SMIM41: variants seen among roughly 807,000 people sequenced by gnomAD.
The protein encoded by SMIM41 is small integral membrane protein 41.
chr12:52,082,406 C>G (rs1231380081), intron 1 of SMIM41, among the ~76,000 whole-genome samples: 2 of 151,886 alleles, frequency 1.3e-5, no homozygotes. Context: ...CGTTGCTGTT[C>G]CTGAGTCCAG....
intron 2 of SMIM41, among the ~76,000 whole-genome samples, chr12:52,098,244 TATC>T (rs1350246567): frequency 2.6e-5 from 4 of 152,002 alleles, no homozygotes; most frequent in African/African-American, 4.8e-5. Context: ...TTGGGACTAA[TATC>T]ATCCTCCCGT....
At chr12:52,095,538 G>A (rs1194337104) in intron 2 of SMIM41, among the ~76,000 whole-genome samples, 3 of 152,112 alleles carry the variant, frequency 2.0e-5, no homozygotes, top group African/African-American at 7.2e-5. Context: ...TATCACAGGA[G>A]TGTTTCTACC....
At position 52,079,801 on chromosome 12, in the gene SMIM41, G is replaced by C; in HGVS notation, c.22G>C (p.Ala8Pro). 2.5e-6 allele frequency: 1 copy of C among 393,636 alleles called. No homozygotes were observed. The highest frequency in any genetic ancestry group is 3.6e-5 in the East Asian group (1 of 27,646). 24.4% of individuals were successfully genotyped at this position (393,636 alleles called of 1,614,324 possible). Residue 8 changes from alanine (A) to proline (P), a missense_variant, in exon 1 of 3, where the codon GCC (alanine) becomes CCC (proline). Coordinates refer to ENST00000546390, the MANE Select transcript of SMIM41 (RefSeq NM_001369216.1). Reference protein sequence around the residue: MNGSQAGAAAQAAWLSSC... With the variant: MNGSQAGPAAQAAWLSSC... The stretch of plus-strand genomic sequence containing the variant: ...GAGCATGAACGGCTCTCAGGCGGGC[G>C]CCGCGGCTCAGGCCGCCTGGCTGAG...
intron 2 of SMIM41, among the ~76,000 whole-genome samples, chr12:52,104,656 C>G (rs1268330127): frequency 4.0e-5 from 6 of 149,378 alleles, no homozygotes; most frequent in African/African-American, 1.5e-4. Context: ...TGTGGAGTTT[C>G]TGTTCTTGGT....
rs114072013 is a variant in SMIM41, at chr12:52,086,500, G to A, written c.*195+2532G>A. Among the ~76,000 whole-genome samples the A allele has an allele frequency of 8.7e-3, 1,328 of 152,250 alleles. 17 individuals carry two copies. The highest frequency in any genetic ancestry group is 0.031 in the African/African-American group (1,284 of 41,544). On this transcript the variant is annotated intron_variant, in intron 2 of 2. Coordinates refer to ENST00000546390, the MANE Select transcript of SMIM41 (RefSeq NM_001369216.1). Reference sequence around the variant, plus strand: ...GACAATAAAAAAATAAAACAAACACGCAAAAAGGATCCTCATCCTGCTCCA... The same window carrying A: ...GACAATAAAAAAATAAAACAAACACACAAAAAGGATCCTCATCCTGCTCCA...
chr12:52,088,752 C>G (rs1257670819), intron 2 of SMIM41, among the ~76,000 whole-genome samples: 1 of 152,194 alleles, frequency 6.6e-6, no homozygotes, highest in Non-Finnish European at 1.5e-5. Flanking sequence ...TTCTGTCTGG[C>G]CACACTGTCT....
At chr12:52,101,706 GTTTTTTTGTTT>G (rs1213343252) in intron 2 of SMIM41, among the ~76,000 whole-genome samples, 2 of 151,282 alleles carry the variant, frequency 1.3e-5, no homozygotes, top group Non-Finnish European at 3.0e-5. Flanking sequence ...AAATCATGCT[GTTTTTTTGTTT>G]TTTTTTTGTT....
At chr12:52,093,198 A>G (rs1001683708) in intron 2 of SMIM41, among the ~76,000 whole-genome samples, 1 of 147,672 alleles carries the variant, frequency 6.8e-6, no homozygotes, top group Non-Finnish European at 1.5e-5. Context: ...CCCTGTCTCA[A>G]CAACAACAAC....
intron 2 of SMIM41, among the ~76,000 whole-genome samples, chr12:52,106,025 G>A (rs1379004075): frequency 1.3e-5 from 2 of 152,122 alleles, no homozygotes; most frequent in Non-Finnish European, 2.9e-5. Flanking sequence ...ATAAAGTAAA[G>A]GTAAAGTGAA....
At chr12:52,099,334 CA>C (rs569187065) in intron 2 of SMIM41, among the ~76,000 whole-genome samples, 194 of 151,510 alleles carry the variant, frequency 1.3e-3, no homozygotes, top group African/African-American at 4.6e-3. Flanking sequence ...GAAGTAATAT[CA>C]CGGGTGGTTT....
In SMIM41 at chr12:52,101,375, G is replaced by A. The variant is rs373548503; in HGVS notation, c.*196-6004G>A. On this transcript the variant is annotated intron_variant, in intron 2 of 2. Coordinates refer to ENST00000546390, the MANE Select transcript of SMIM41 (RefSeq NM_001369216.1). ...GGGAGGCGGAGGTTGCAGTGAGCCC[G>A]GATTGTGCCTGTATACTCCAACCTG... 1.4e-3 allele frequency among the ~76,000 whole-genome samples: 206 copies of A among 152,230 alleles called. 1 individual carries two copies. The highest frequency in any genetic ancestry group is 4.3e-3 in the African/African-American group (177 of 41,548).
At chr12:52,080,338 C>T (rs1039022731) in intron 1 of SMIM41, among the ~76,000 whole-genome samples, 157 bp downstream of exon 1, 7 of 152,158 alleles carry the variant, frequency 4.6e-5, no homozygotes, top group African/African-American at 1.7e-4. Flanking sequence ...AGTCCACGGC[C>T]GGTGGGGCTG....
intron 2 of SMIM41, among the ~76,000 whole-genome samples, chr12:52,104,679 G>C (rs1480968554): frequency 6.6e-6 from 1 of 150,526 alleles, no homozygotes; most frequent in African/African-American, 2.5e-5. Context: ...TGGTCGGGGG[G>C]GGGCGGTCTC....
intron 2 of SMIM41, among the ~76,000 whole-genome samples, chr12:52,091,231 G>A (rs995053440): frequency 6.6e-6 from 1 of 152,106 alleles, no homozygotes; most frequent in African/African-American, 2.4e-5. Context: ...GGTCCCCTCT[G>A]CGTTCCCATC....
intron 2 of SMIM41, among the ~76,000 whole-genome samples, chr12:52,085,795 C>T (rs891291936): frequency 6.6e-5 from 10 of 152,182 alleles, no homozygotes; most frequent in African/African-American, 2.2e-4. Flanking sequence ...AGAGGGCTGT[C>T]TGTGCACCAA....
intron 2 of SMIM41, among the ~76,000 whole-genome samples, chr12:52,101,797 C>T (rs1171725402): frequency 1.3e-5 from 2 of 152,046 alleles, no homozygotes; most frequent in Non-Finnish European, 2.9e-5. Flanking sequence ...ACCGCAACCT[C>T]TGCCTCCTGG....
Position 52,081,839 on chromosome 12 carries a change from C to CAG in SMIM41, c.*120+1660_*120+1661dup, listed in dbSNP as rs1939823644. Among the ~76,000 whole-genome samples the CAG allele has an allele frequency of 6.6e-6, 1 of 152,200 alleles. No individual in the cohort carries two copies. ...CTCACATGAATGACAGAGCTGGAAG[C>CAG]AGACCCTGGGCCCTGATTCCAAGTT... On this transcript the variant is annotated intron_variant, in intron 1 of 2. Coordinates refer to ENST00000546390, the MANE Select transcript of SMIM41 (RefSeq NM_001369216.1). The surrounding 1 kb of genome is among the most constrained non-coding windows in gnomAD (Gnocchi z 4.1).
intron 2 of SMIM41, among the ~76,000 whole-genome samples, chr12:52,090,261 C>T (rs898474494): frequency 4.6e-5 from 7 of 152,018 alleles, no homozygotes; most frequent in Non-Finnish European, 1.0e-4. Flanking sequence ...TTGGTAGAGA[C>T]GGAGTTTCAC....
Position 52,094,371 on chromosome 12 carries a change from G to A in SMIM41, c.*195+10403G>A, listed in dbSNP as rs148510889. On this transcript the variant is annotated intron_variant, in intron 2 of 2. Coordinates refer to ENST00000546390, the MANE Select transcript of SMIM41 (RefSeq NM_001369216.1). ...CCACCATGGCCAGCTAATTTTTTTG[G>A]TCTGTATTTTTAGTAGAGACAGGGT... 7.2e-3 allele frequency among the ~76,000 whole-genome samples: 1,092 copies of A among 151,570 alleles called. 12 individuals carry two copies. The highest frequency in any genetic ancestry group is 0.025 in the African/African-American group (1,032 of 41,398).
Sources: gnomAD v4.1 joint callset for allele counts (sites outside exome capture counted in the v4.1 genomes callset) on GRCh38, gnomAD v4.1.1 for gene constraint, Gnocchi (gnomAD v3.1) non-coding constraint, MANE v1.5 for transcripts, NCBI Gene and HGNC (gene_info 2026-07-23, HGNC 2026-07-21) for gene names.